The following B2M variants were observed in gnomAD, a reference collection of about 807,000 sequenced individuals.
B2M encodes beta-2-microglobulin, also known as beta chain of MHC class I molecules.
In B2M, 3 loss-of-function variants were observed where a neutral mutation model predicts 14.5. That is an observed-to-expected ratio of 0.21 (90% CI 0.09 to 0.53). B2M has a LOEUF of 0.53. B2M is among the 20% of genes least tolerant of loss of function. The pLI is 0.95. For synonymous variants in B2M, 45 were observed against 52.7 expected (o/e 0.85, Z 0.64); for missense variants, 107 against 140.8 (o/e 0.76, Z 1.21).
At chr15:44,716,198 T>G in intron 2 of B2M, 131 bp from the exon 3 acceptor site, 1 of 1,049,556 alleles carries the variant, frequency 9.5e-7, no homozygotes, top group Non-Finnish European at 1.4e-6. Flanking sequence ...CTAAACAATG[T>G]ATTCATGGGT....
intron 2 of B2M, 150 bp from the exon 3 acceptor site, chr15:44,716,178 CT>C: frequency 1.2e-6 from 1 of 867,854 alleles, no homozygotes; most frequent in South Asian, 1.5e-5. Flanking sequence ...CTTGTTCCTG[CT>C]GGGTAGCTCT....
chr15:44,714,953 G>A, intron 1 of B2M: 4 of 211,974 alleles, frequency 1.9e-5, no homozygotes, highest in South Asian at 6.5e-5. Flanking sequence ...TGGAAGGGGT[G>A]GAAACAGAGT....
At chr15:44,716,678 C>T (rs1033906735) in intron 3 of B2M, 7 of 438,020 alleles carry the variant, frequency 1.6e-5, no homozygotes, top group African/African-American at 1.4e-4. Flanking sequence ...CCACATTGGA[C>T]ATCTCTGCTG....
intron 1 of B2M, among the ~76,000 whole-genome samples, chr15:44,712,232 T>C (rs1218794638): frequency 1.3e-5 from 2 of 152,372 alleles, no homozygotes; most frequent in East Asian, 1.9e-4. Flanking sequence ...TTGGCTGTGA[T>C]ACAAAGCGGT....
intron 1 of B2M, chr15:44,713,851 G>C (rs1221108948): frequency 6.6e-6 from 1 of 152,178 alleles, no homozygotes; most frequent in Non-Finnish European, 1.5e-5. Flanking sequence ...CTTAATGATA[G>C]GGTGTTTCTA....
At chr15:44,715,319 A>C in intron 1 of B2M, 104 bp from the exon 2 acceptor site, 1 of 1,359,630 alleles carries the variant, frequency 7.4e-7, no homozygotes, top group Admixed American at 1.7e-5. Flanking sequence ...GGAGAAATCG[A>C]TGACCAAATG....
At chr15:44,713,207 A>C (rs1444999960) in intron 1 of B2M, 2 of 152,128 alleles carry the variant, frequency 1.3e-5, no homozygotes, top group African/African-American at 4.8e-5. Flanking sequence ...CGAAAGCAGA[A>C]TGTTTTGATC....
intron 3 of B2M, chr15:44,716,644 G>T: frequency 2.0e-6 from 1 of 494,164 alleles, no homozygotes; most frequent in Non-Finnish European, 3.6e-6. Context: ...TACCTGCAAG[G>T]CTTTGATCTT....
intron 1 of B2M, 188 bp from the exon 2 acceptor site, chr15:44,715,235 C>T (rs191473220): frequency 3.5e-4 from 240 of 680,768 alleles, no homozygotes; most frequent in Non-Finnish European, 8.2e-5. Flanking sequence ...TACCAAGTCA[C>T]GGTTTATTCT....
Position 44,711,896 on chromosome 15 carries a change from C to A in B2M, c.67+283C>A, listed in dbSNP as rs1377556911. Reference sequence around the variant, plus strand: ...AGGGTCGGGACAAAGTTTAGGGCGTCGATAAGCGTCAGAGCGCCGAGGTTG... The same window carrying A: ...AGGGTCGGGACAAAGTTTAGGGCGTAGATAAGCGTCAGAGCGCCGAGGTTG... On this transcript the variant is annotated intron_variant, in intron 1 of 3. Transcript: ENST00000648006. 2.1e-5 allele frequency: 12 copies of A among 580,264 alleles called. No individual in the cohort carries two copies. In the East Asian group the frequency reaches 2.6e-4, roughly 13 times the overall value. The allele number at this position is 580,264 out of a possible 1,614,324, so 35.9% of individuals were successfully genotyped here. A position where few individuals can be genotyped will look rare whatever the true frequency, so the allele number is the denominator to read the frequency against.
intron 3 of B2M, 156 bp downstream of exon 3, chr15:44,716,512 C>A: frequency 1.2e-6 from 1 of 829,942 alleles, no homozygotes; most frequent in Non-Finnish European, 1.9e-6. Flanking sequence ...TTCCCTTCTC[C>A]TGTGGAGTGG....
intron 1 of B2M, among the ~76,000 whole-genome samples, chr15:44,712,496 C>G (rs1041136360): frequency 2.6e-5 from 4 of 152,208 alleles, no homozygotes; most frequent in Non-Finnish European, 5.9e-5. Flanking sequence ...AGATTGAAGT[C>G]AAGCCTAACC....
rs777203443 is a variant in B2M, at chr15:44,715,711, A to C, written c.346+10A>C. 2 of 1,613,974 alleles carry C rather than the reference A, an allele frequency of 1.2e-6. No homozygotes were observed. Among genetic ancestry groups the C allele is most frequent in the Non-Finnish European group, 1.7e-6 (2 of 1,179,988 alleles). On this transcript the variant is annotated intron_variant, in intron 2 of 3. Transcript: ENST00000648006. ...AAGATAGTTAAGTGGGGTAAGTCTT[A>C]CATTCTTTTGTAAGCTGCTGAAAGT...
intron 1 of B2M, chr15:44,714,917 GAA>G: frequency 3.7e-5 from 4 of 109,080 alleles, no homozygotes; most frequent in South Asian, 2.6e-4. Context: ...GAACCAAAAA[GAA>G]AGGCATAAAC....
At position 44,715,471 on chromosome 15, in the gene B2M, A is replaced by C; in HGVS notation, c.116A>C (p.Lys39Thr). The C allele has an allele frequency of 6.2e-7, 1 of 1,614,180 alleles. No individual in the cohort carries two copies. Among genetic ancestry groups the C allele is most frequent in the African/African-American group, 1.3e-5 (1 of 75,038 alleles). The change falls in exon 2 of 4, where the codon AAG becomes ACG. Residue 39 changes from lysine (K) to threonine (T), a missense_variant. Coordinates refer to ENST00000648006, the MANE Select transcript of B2M (RefSeq NM_004048.4). ...VYSRHPAENG[K>T]SNFLNCYVSG... ...TCACGTCATCCAGCAGAGAATGGAA[A>C]GTCAAATTTCCTGAATTGCTATGTG...
chr15:44,717,506 T>C (rs1000540082), intron 3 of B2M, 101 bp from the exon 4 acceptor site: 4 of 129,348 alleles, frequency 3.1e-5, no homozygotes, highest in Non-Finnish European at 6.9e-5. Context: ...CTACTTCTTT[T>C]AAAAAGGTGA....
At chr15:44,717,032 T>C (rs1317127851) in intron 3 of B2M, 1 of 152,284 alleles carries the variant, frequency 6.6e-6, no homozygotes, top group Non-Finnish European at 1.5e-5. Context: ...TGTTATATTC[T>C]AGAACAGGGA....
Position 44,715,449 on chromosome 15 carries a change from C to T in B2M, c.94C>T (p.Arg32Cys), listed in dbSNP as rs11553032. ...TACTCCAAAGATTCAGGTTTACTCA[C>T]GTCATCCAGCAGAGAATGGAAAGTC... The part of the protein sequence containing the change: ...QRTPKIQVYS[R>C]HPAENGKSNF... The change falls in exon 2 of 4, where the codon CGT (arginine) becomes TGT (cysteine). Residue 32 changes from arginine to cysteine, a missense_variant. Coordinates refer to ENST00000648006, the MANE Select transcript of B2M (RefSeq NM_004048.4). 2.5e-6 allele frequency: 4 copies of T among 1,614,014 alleles called. No homozygotes were observed. The highest frequency in any genetic ancestry group is 1.7e-6 in the Non-Finnish European group (2 of 1,180,002).
chr15:44,712,267 CCATCA>C (rs1260318302), intron 1 of B2M, among the ~76,000 whole-genome samples: 5 of 152,154 alleles, frequency 3.3e-5, no homozygotes, highest in African/African-American at 1.2e-4. Flanking sequence ...TTATTTGTTC[CCATCA>C]CATGTCACTT....
Sources: gnomAD v4.1 joint callset for allele counts (sites outside exome capture counted in the v4.1 genomes callset) on GRCh38, gnomAD v4.1.1 for gene constraint, MANE v1.5 for transcripts, NCBI Gene and HGNC (gene_info 2026-07-23, HGNC 2026-07-21) for gene names.